C1QTNF7: variants seen among roughly 807,000 people sequenced by gnomAD.
C1QTNF7 encodes complement C1q tumor necrosis factor-related protein 7.
In C1QTNF7, 15 loss-of-function variants were observed where a neutral mutation model predicts 19.6. That is an observed-to-expected ratio of 0.76 (90% confidence interval 0.51 to 1.18). The LOEUF (loss-of-function observed/expected upper bound fraction) is 1.18, where lower values mean the gene tolerates loss of function less well. Among genes scored for constraint, C1QTNF7 ranks in the 50% most tolerant of loss-of-function variants. The pLI is 0.00. For missense variants in C1QTNF7, 324 were observed against 359.7 expected (o/e 0.90, Z 0.80); for synonymous variants, 142 against 137.5 (o/e 1.03, Z -0.23).
intron 1 of C1QTNF7, among the ~76,000 whole-genome samples, chr4:15,384,965 G>A (rs996322510): frequency 6.6e-6 from 1 of 152,264 alleles, no homozygotes; most frequent in Admixed American, 6.5e-5. Flanking sequence ...AGTGTTTCAG[G>A]GCTCCCAAGA....
At chr4:15,393,141 C>T (rs140932256) in intron 1 of C1QTNF7, among the ~76,000 whole-genome samples, 7 of 152,116 alleles carry the variant, frequency 4.6e-5, no homozygotes, top group African/African-American at 1.4e-4. Flanking sequence ...AAATCTCTTT[C>T]GCTTGGCCCT....
At chr4:15,369,788 T>G (rs1299633954) in intron 1 of C1QTNF7, among the ~76,000 whole-genome samples, 2 of 152,188 alleles carry the variant, frequency 1.3e-5, no homozygotes, top group Admixed American at 1.3e-4. Context: ...TTCAGTTGAA[T>G]ACATTAATGA....
chr4:15,413,396 G>A lies in C1QTNF7; in HGVS notation c.14-22340G>A, dbSNP rs777336075. ...GAAATGGATAACACTCCTTTGACCC[G>A]GAGATAATCGAGGGGAATAAACCCA... On this transcript the variant is annotated intron_variant, in intron 1 of 2. Transcript: ENST00000295297. 5.9e-5 allele frequency among the ~76,000 whole-genome samples: 9 copies of A among 152,284 alleles called. No individual in the cohort carries two copies. In the South Asian group the frequency reaches 1.0e-3, roughly 18 times the overall value.
intron 2 of C1QTNF7, 46 bp downstream of exon 2, chr4:15,436,027 T>C (rs748101374): frequency 6.4e-7 from 1 of 1,571,778 alleles, no homozygotes; most frequent in Non-Finnish European, 8.6e-7. Flanking sequence ...CACCCCCACC[T>C]TAAAACTGTT....
intron 1 of C1QTNF7, among the ~76,000 whole-genome samples, chr4:15,406,082 T>A (rs910972921): frequency 3.9e-5 from 6 of 152,234 alleles, no homozygotes; most frequent in African/African-American, 1.4e-4. Context: ...TACCATTCTC[T>A]TAACTGCTTT....
chr4:15,431,479 C>T (rs914710607), intron 1 of C1QTNF7, among the ~76,000 whole-genome samples: 2 of 152,092 alleles, frequency 1.3e-5, no homozygotes, highest in African/African-American at 4.8e-5. Flanking sequence ...ATGAAATGTA[C>T]ATGTATTCCC....
At chr4:15,379,858 C>A (rs62289262) in intron 1 of C1QTNF7, among the ~76,000 whole-genome samples, 19,602 of 152,182 alleles carry the variant, frequency 0.13, 1,606 homozygotes, top group East Asian at 0.4. Flanking sequence ...TCTAAACTTT[C>A]CAATCAAAGG....
At chr4:15,375,086 G>A (rs1717885455) in intron 1 of C1QTNF7, among the ~76,000 whole-genome samples, 1 of 151,806 alleles carries the variant, frequency 6.6e-6, no homozygotes, top group African/African-American at 2.4e-5. Context: ...GGCTGACACC[G>A]ACACTCGCGG....
intron 1 of C1QTNF7, among the ~76,000 whole-genome samples, chr4:15,401,519 G>T (rs1560356801): frequency 6.6e-6 from 1 of 152,166 alleles, no homozygotes; most frequent in African/African-American, 2.4e-5. Context: ...GCCAGGCAAA[G>T]GTCCCAGCAT....
intron 1 of C1QTNF7, among the ~76,000 whole-genome samples, chr4:15,398,391 G>A (rs191738522): frequency 6.7e-6 from 1 of 148,670 alleles, no homozygotes; most frequent in Non-Finnish European, 1.5e-5. Context: ...CCCCATTGAT[G>A]TCCAAGTCCC....
chr4:15,360,947 C>T (rs1717323459), intron 1 of C1QTNF7, among the ~76,000 whole-genome samples: 1 of 152,064 alleles, frequency 6.6e-6, no homozygotes, highest in Non-Finnish European at 1.5e-5. Context: ...ATATCTAACA[C>T]CTATAAGAGG....
upstream of C1QTNF7, among the ~76,000 whole-genome samples, chr4:15,426,290 C>T (rs947113233): frequency 6.6e-6 from 1 of 152,104 alleles, no homozygotes; most frequent in Non-Finnish European, 1.5e-5. Flanking sequence ...TTTTTCTACC[C>T]ATCACTTCAC....
chr4:15,381,287 G>A (rs566699451), intron 1 of C1QTNF7, among the ~76,000 whole-genome samples: 10 of 151,912 alleles, frequency 6.6e-5, no homozygotes, highest in African/African-American at 2.4e-4. Context: ...CATGGTGGTG[G>A]GTGCCTGTAG....
chr4:15,442,566 A>G lies in C1QTNF7; in HGVS notation c.637A>G (p.Asn213Asp). Reference sequence around the variant, plus strand: ...GCATCTGGCAATCGGACTGGTACACAATGGGCAATACCGGATAAAGACCTT... The same window carrying G: ...GCATCTGGCAATCGGACTGGTACACGATGGGCAATACCGGATAAAGACCTT... ...NKHLAIGLVH[N>D]GQYRIKTFDA... The change falls in exon 3 of 3, where the codon AAT becomes GAT. Residue 213 changes from asparagine to aspartate, a missense_variant. By Grantham distance (23) the Asn-to-Asp change is conservative. Coordinates refer to ENST00000444304, the MANE Select transcript of C1QTNF7 (RefSeq NM_031911.5). 6.2e-7 allele frequency: 1 copy of G among 1,614,182 alleles called. No homozygotes were observed. Among genetic ancestry groups the G allele is most frequent in the South Asian group, 1.1e-5 (1 of 91,084 alleles).
chr4:15,378,396 T>A (rs1460334209), intron 1 of C1QTNF7, among the ~76,000 whole-genome samples: 1 of 152,210 alleles, frequency 6.6e-6, no homozygotes, highest in East Asian at 1.9e-4. Context: ...TTTCTTAGTA[T>A]CATATGCCAT....
chr4:15,397,482 T>C (rs903609436), intron 1 of C1QTNF7, among the ~76,000 whole-genome samples: 13 of 152,234 alleles, frequency 8.5e-5, no homozygotes, highest in African/African-American at 2.9e-4. Context: ...CTCTAAAATA[T>C]GCTTTGTGAG....
chr4:15,396,559 A>G (rs1230870264), intron 1 of C1QTNF7, among the ~76,000 whole-genome samples: 1 of 152,146 alleles, frequency 6.6e-6, no homozygotes, highest in Non-Finnish European at 1.5e-5. Context: ...AAACCCTAAG[A>G]CAAAGACTTA....
At chr4:15,388,820 A>G (rs866891956) in intron 1 of C1QTNF7, among the ~76,000 whole-genome samples, 1 of 152,222 alleles carries the variant, frequency 6.6e-6, no homozygotes, top group Non-Finnish European at 1.5e-5. Flanking sequence ...AATCTCCAAG[A>G]AATGAGGAAG....
In C1QTNF7 at chr4:15,340,707, T is replaced by A. The variant is rs1488164509; in HGVS notation, c.13+500T>A. Among the ~76,000 whole-genome samples the A allele has an allele frequency of 2.0e-5, 3 of 152,202 alleles. No homozygotes were observed. In the South Asian group the frequency reaches 6.2e-4, roughly 32 times the overall value. ...TATTAACTTGTTTTGCAGAATATAT[T>A]TTTAAAAGTTAAATAAATCATTTGT... On this transcript the variant is annotated intron_variant, in intron 1 of 2. Transcript: ENST00000295297.
Sources: allele counts gnomAD v4.1 joint callset (sites outside exome capture counted in the v4.1 genomes callset), GRCh38; gene constraint gnomAD v4.1.1; transcripts MANE v1.5; gene names NCBI Gene and HGNC (gene_info 2026-07-23, HGNC 2026-07-21).